N4BP2: variants seen among roughly 807,000 people sequenced by gnomAD.
N4BP2 encodes the protein NEDD4 binding protein 2.
N4BP2 carries 91 observed loss-of-function variants against 152.8 expected under a neutral mutation model. The ratio of observed to expected loss-of-function variants is 0.60; its 90% CI spans 0.50 to 0.71. The LOEUF (loss-of-function observed/expected upper bound fraction) is 0.71, where lower values mean the gene tolerates loss of function less well. Among genes scored for constraint, N4BP2 ranks in the 30% least tolerant of loss-of-function variants. The probability of loss-of-function intolerance (pLI) is 0.00; values close to 1 mark genes in which losing one functional copy is unlikely to be tolerated. For synonymous variants in N4BP2, 646 were observed against 705.3 expected (o/e 0.92, Z 1.33); for missense variants, 1,923 against 2,059.1 (o/e 0.93, Z 1.28).
chr4:40,155,642 T>G lies in N4BP2; in HGVS notation c.*1405T>G, dbSNP rs2109297384. 6.6e-6 allele frequency: 1 copy of G among 152,252 alleles called. No homozygotes were observed. Among genetic ancestry groups the G allele is most frequent in the East Asian group, 1.9e-4 (1 of 5,182 alleles). 9.4% of individuals were successfully genotyped at this position (152,252 alleles called of 1,614,324 possible). On this transcript the variant is annotated 3_prime_UTR_variant, in exon 18 of 18. Transcript: ENST00000261435. ...ATGAGACAATGGCTTAAATTTGCCTTTGGAGATGGAGAATATTTTCAACAT... is the reference window on the plus strand; with the variant it reads ...ATGAGACAATGGCTTAAATTTGCCTGTGGAGATGGAGAATATTTTCAACAT...
In N4BP2 at chr4:40,122,273, C is replaced by G; in HGVS notation, c.4162C>G (p.Leu1388Val). 1 of 1,589,086 alleles carries G rather than the reference C, an allele frequency of 6.3e-7. No homozygotes were observed. The change falls in exon 9 of 18, where the codon CTT becomes GTT. Residue 1388 changes from leucine to valine, a missense_variant. Transcript: ENST00000261435. The part of the protein sequence containing the change: ...LALPPELAFQ[L>V]NELFGPVGID... Reference sequence around the variant, plus strand: ...ATTACCCCCTGAACTGGCTTTTCAACTTAATGAATTATTTGGTCCTGTTGG... The same window carrying G: ...ATTACCCCCTGAACTGGCTTTTCAAGTTAATGAATTATTTGGTCCTGTTGG...
At chr4:40,102,042 T>G in intron 3 of N4BP2, 33 bp from the exon 4 acceptor site, 1 of 1,314,956 alleles carries the variant, frequency 7.6e-7, no homozygotes, top group Non-Finnish European at 1.0e-6. Flanking sequence ...TGTCTATATT[T>G]TTGTTGTTGT....
Position 40,136,689 on chromosome 4 carries a change from A to C in N4BP2, c.4647-255A>C, listed in dbSNP as rs143445275. ...AGGCGTGAGCTACTGTGCCTGGCTGAATTACCAATATACTATCTTTTGGCA... is the reference window on the plus strand; with the variant it reads ...AGGCGTGAGCTACTGTGCCTGGCTGCATTACCAATATACTATCTTTTGGCA... On this transcript the variant is annotated intron_variant, in intron 13 of 17. Transcript: ENST00000261435. Among the ~76,000 whole-genome samples, 849 of 152,274 alleles carry C rather than the reference A, an allele frequency of 5.6e-3. 8 individuals are homozygous for C. The highest frequency in any genetic ancestry group is 0.019 in the African/African-American group (802 of 41,538).
At position 40,060,966 on chromosome 4, in the gene N4BP2, T is replaced by G. The variant is rs562493362; in HGVS notation, c.-212+3936T>G. Among the ~76,000 whole-genome samples the G allele has an allele frequency of 2.0e-4, 30 of 152,194 alleles. No individual in the cohort carries two copies. The South Asian group carries it at 6.0e-3, about 30-fold the overall frequency. ...TGATCATGTATTAGCTGCTTTTCTT[T>G]TCTTTTCTTCTTCTTTTTTTAAAAT... On this transcript the variant is annotated intron_variant, in intron 1 of 17. Transcript: ENST00000261435.
intron 2 of N4BP2, among the ~76,000 whole-genome samples, chr4:40,087,244 T>C (rs899325731): frequency 1.3e-5 from 2 of 152,044 alleles, no homozygotes; most frequent in African/African-American, 2.4e-5. Flanking sequence ...TATGTTTCTT[T>C]CCTTTTCCCC....
Position 40,120,592 on chromosome 4 carries a change from A to C in N4BP2, c.2481A>C (p.Leu827Phe). ...ATAATTACCCTCAGTCACACAAATT[A>C]GTTAACAGTGTATCTGTGAATACAG... is the stretch of plus-strand genomic sequence containing the variant. ...KKYNYPQSHK[L>F]VNSVSVNTDC... Residue 827 changes from leucine to phenylalanine, a missense_variant, in exon 9 of 18, where the codon TTA (leucine) becomes TTC (phenylalanine). By Grantham distance (22) the Leu-to-Phe change is conservative (BLOSUM62 0). Transcript: ENST00000261435. 6.2e-7 allele frequency: 1 copy of C among 1,614,196 alleles called. No individual in the cohort carries two copies. The highest frequency in any genetic ancestry group is 8.5e-7 in the Non-Finnish European group (1 of 1,180,028).
At chr4:40,060,797 G>A (rs1733597877) in intron 1 of N4BP2, among the ~76,000 whole-genome samples, 1 of 151,778 alleles carries the variant, frequency 6.6e-6, no homozygotes, top group Admixed American at 6.6e-5. Flanking sequence ...TAGAGACAGG[G>A]TCTCGCTGTG....
At chr4:40,094,924 G>C (rs1714969807) in intron 2 of N4BP2, among the ~76,000 whole-genome samples, 2 of 152,032 alleles carry the variant, frequency 1.3e-5, no homozygotes, top group South Asian at 4.2e-4. Flanking sequence ...CTCTCGAGTA[G>C]CCGGGACTAC....
intron 2 of N4BP2, among the ~76,000 whole-genome samples, chr4:40,090,572 T>C (rs1370073996): frequency 2.6e-5 from 4 of 152,190 alleles, no homozygotes; most frequent in Admixed American, 6.6e-5. Flanking sequence ...CAACATACTT[T>C]CGTTCAACGT....
intron 5 of N4BP2, among the ~76,000 whole-genome samples, chr4:40,108,263 A>C: frequency 6.6e-6 from 1 of 151,554 alleles, no homozygotes; most frequent in Middle Eastern, 3.2e-3. Flanking sequence ...TGGAATTTGA[A>C]CCACCAGAAA....
the N4BP2 span, among the ~76,000 whole-genome samples, chr4:40,169,379 CAA>C: frequency 1.1e-5 from 1 of 95,024 alleles, no homozygotes. Context: ...AAGACTGTCT[CAA>C]AAAAAAAAAA....
In N4BP2 at chr4:40,156,413, A is replaced by G. The variant is rs2109299075; in HGVS notation, c.*2176A>G. On this transcript the variant is annotated 3_prime_UTR_variant, in exon 18 of 18. Coordinates refer to ENST00000261435, the MANE Select transcript of N4BP2 (RefSeq NM_018177.6). ...TATTATGCCTTATTTTGATAAATCAAATAGTATATCTTAATCATTGTTGAT... is the reference window on the plus strand; with the variant it reads ...TATTATGCCTTATTTTGATAAATCAGATAGTATATCTTAATCATTGTTGAT... 1 of 152,262 alleles carries G rather than the reference A, an allele frequency of 6.6e-6. No homozygotes were observed. Among genetic ancestry groups the G allele is most frequent in the East Asian group, 1.9e-4 (1 of 5,192 alleles). The allele number at this position is 152,262 out of a possible 1,614,324, so 9.4% of individuals were successfully genotyped here. A position where few individuals can be genotyped will look rare whatever the true frequency, so the allele number is the denominator to read the frequency against.
chr4:40,117,206 A>G (rs1051088464), intron 7 of N4BP2, among the ~76,000 whole-genome samples: 4 of 152,024 alleles, frequency 2.6e-5, no homozygotes, highest in African/African-American at 9.7e-5. Context: ...CTTAGATTAG[A>G]TGTATACTAG....
At position 40,120,413 on chromosome 4, in the gene N4BP2, G is replaced by A. The variant is rs748785574; in HGVS notation, c.2302G>A (p.Gly768Arg). The change falls in exon 9 of 18, where the codon GGG (glycine) becomes AGG (arginine). Residue 768 changes from glycine to arginine, a missense_variant. Transcript: ENST00000261435. ...AGCAACAGTAACGAAAAAAGCCTTT[G>A]GGAAACAAAAAAGCAAATCGACTTT... The part of the protein sequence containing the change: ...ERATVTKKAF[G>R]KQKSKSTLEK... 6.2e-6 allele frequency: 10 copies of A among 1,613,628 alleles called. No individual in the cohort carries two copies. The Admixed American group carries it at 1.3e-4, about 22-fold the overall frequency.
At chr4:40,115,097 C>T (rs1717227802) in intron 7 of N4BP2, among the ~76,000 whole-genome samples, 1 of 152,084 alleles carries the variant, frequency 6.6e-6, no homozygotes, top group Non-Finnish European at 1.5e-5. Context: ...ATTATTCTAC[C>T]TTTATTGCTT....
At chr4:40,142,886 T>C (rs1720165166) in intron 15 of N4BP2, 25 bp downstream of exon 15, 4 of 1,600,650 alleles carry the variant, frequency 2.5e-6, no homozygotes, top group Non-Finnish European at 1.7e-6. Context: ...TGATTATATA[T>C]TTTTTGTCAG....
chr4:40,119,808 A>C (rs1717683590), intron 8 of N4BP2, 124 bp from the exon 9 acceptor site: 2 of 494,158 alleles, frequency 4.0e-6, no homozygotes, highest in Non-Finnish European at 7.2e-6. Flanking sequence ...ATTTTAATGT[A>C]ATTTATTTAT....
In N4BP2 at chr4:40,156,460, G is replaced by A. The variant is rs904923495; in HGVS notation, c.*2223G>A. Reference sequence around the variant, plus strand: ...TGATAAATATACAGGCAAAGTTTGAGCATCATATGTATTTTTATGAAGCTG... The same window carrying A: ...TGATAAATATACAGGCAAAGTTTGAACATCATATGTATTTTTATGAAGCTG... On this transcript the variant is annotated 3_prime_UTR_variant, in exon 18 of 18. Coordinates refer to ENST00000261435, the MANE Select transcript of N4BP2 (RefSeq NM_018177.6). 6.6e-6 allele frequency: 1 copy of A among 152,074 alleles called. No homozygotes were observed. The highest frequency in any genetic ancestry group is 1.5e-5 in the Non-Finnish European group (1 of 67,964). 9.4% of individuals were successfully genotyped at this position (152,074 alleles called of 1,614,324 possible). A position where few individuals can be genotyped will look rare whatever the true frequency, so the allele number is the denominator to read the frequency against.
the N4BP2 span, among the ~76,000 whole-genome samples, chr4:40,180,560 T>C: frequency 1.3e-5 from 2 of 152,216 alleles, no homozygotes; most frequent in African/African-American, 2.4e-5. Context: ...TCCACAGGAA[T>C]ACTTAATTAC....
Sources: allele counts gnomAD v4.1 joint callset (sites outside exome capture counted in the v4.1 genomes callset), GRCh38; gene constraint gnomAD v4.1.1; transcripts MANE v1.5; gene names NCBI Gene and HGNC (gene_info 2026-07-23, HGNC 2026-07-21).